Variants in MGAM observed in about 807,000 individuals in gnomAD.
MGAM encodes the protein alpha-1,4-glucosidase.
MGAM carries 253 observed loss-of-function variants against 358.8 expected under a neutral mutation model. The observed-to-expected ratio is 0.71, with a 90% CI of 0.64 to 0.78. The LOEUF (loss-of-function observed/expected upper bound fraction) is 0.78, where lower values mean the gene tolerates loss of function less well. MGAM is among the 30% of genes least tolerant of loss of function. The pLI, the probability that MGAM is intolerant of heterozygous loss-of-function variation, is 0.00. For synonymous variants in MGAM, 1,105 were observed against 1,227.1 expected (o/e 0.90, Z 2.08); for missense variants, 3,080 against 3,432.6 (o/e 0.90, Z 2.57).
In MGAM at chr7:142,086,265, T is replaced by C. The variant is rs1404461430; in HGVS notation, c.6684T>C (p.Thr2228=). ...GNETQPYPAF[T]RGVEDDVFIK... ...AGACACAGCCCTATCCTGCCTTCAC[T>C]CGGGGCGTGGAGGATGACGTCTTCA... Residue 2228 remains threonine (T), a synonymous_variant, in exon 56 of 71, where the codon ACT becomes ACC. Transcript: ENST00000475668. 1 of 1,544,780 alleles carries C rather than the reference T, an allele frequency of 6.5e-7. No individual in the cohort carries two copies. Among genetic ancestry groups the C allele is most frequent in the Non-Finnish European group, 8.9e-7 (1 of 1,126,274 alleles).
intron 54 of MGAM, 91 bp from the exon 55 acceptor site, chr7:142,085,742 G>A: frequency 1.4e-6 from 2 of 1,416,602 alleles, no homozygotes; most frequent in Non-Finnish European, 1.9e-6. Context: ...GAAGCTATCT[G>A]GAATTCCACC....
chr7:141,995,690 T>C (rs1384586673), upstream of MGAM: 2 of 152,324 alleles, frequency 1.3e-5, no homozygotes, highest in Admixed American at 1.3e-4. Context: ...AGCTGGCTTT[T>C]CCTTCCAAAA....
At chr7:142,033,497 A>G (rs546513670) in intron 14 of MGAM, among the ~76,000 whole-genome samples, 3 of 152,162 alleles carry the variant, frequency 2.0e-5, no homozygotes, top group Non-Finnish European at 4.4e-5. Flanking sequence ...ATCTTGATTG[A>G]GAAAGGAAAA....
At chr7:142,017,700 A>T (rs922649462) in intron 3 of MGAM, among the ~76,000 whole-genome samples, 1 of 152,168 alleles carries the variant, frequency 6.6e-6, no homozygotes, top group Non-Finnish European at 1.5e-5. Flanking sequence ...TCACAGTGAC[A>T]CCTGATCTTA....
At chr7:142,100,246 A>G (rs535608478) in intron 67 of MGAM, among the ~76,000 whole-genome samples, 5 of 152,344 alleles carry the variant, frequency 3.3e-5, no homozygotes, top group South Asian at 4.1e-4. Flanking sequence ...AAAGGAAAAC[A>G]TAAATTCTGT....
chr7:142,084,707 C>T, intron 54 of MGAM, 63 bp downstream of exon 54: 1 of 1,511,176 alleles, frequency 6.6e-7, no homozygotes, highest in Admixed American at 1.8e-5. Context: ...TGTCTGGCTT[C>T]ATTTGTCTAA....
chr7:142,021,818 A>C, intron 6 of MGAM, 81 bp downstream of exon 6: 1 of 1,437,644 alleles, frequency 7.0e-7, no homozygotes, highest in Non-Finnish European at 9.7e-7. Context: ...GGGTGTTTCA[A>C]CAATATTCCT....
intron 70 of MGAM, among the ~76,000 whole-genome samples, chr7:142,105,239 G>A (rs1054460333): frequency 6.6e-5 from 10 of 152,216 alleles, no homozygotes; most frequent in Middle Eastern, 3.4e-3. Context: ...ATGGAAAAGA[G>A]GGCATTCTCT....
rs374204300 is a variant in MGAM at position 142,050,713 on chromosome 7, A to C, written c.2654A>C (p.Asn885Thr). The C allele has an allele frequency of 1.5e-4, 237 of 1,613,626 alleles. No homozygotes were observed. The highest frequency in any genetic ancestry group is 9.7e-4 in the African/African-American group (73 of 75,022). The change falls in exon 24 of 71, where the codon AAT becomes ACT. Residue 885 changes from asparagine to threonine, a missense_variant. Physicochemically the swap from Asn to Thr is moderately conservative, Grantham distance 65. Around this residue, in one of 5 missense-constraint regions of MGAM, gnomAD observed 1,816 missense variants for 1,840.5 expected, o/e 0.99. Coordinates refer to ENST00000475668, the MANE Select transcript of MGAM (RefSeq NM_001365693.1). ...GTTTTGCAGAACCGCTTGGAGGTGA[A>C]TATTTCACAATCAACCTACAAGGAC... Reference protein sequence around the residue: ...FSVTQNRLEVNISQSTYKDPN... With the variant: ...FSVTQNRLEVTISQSTYKDPN...
At chr7:142,086,025 T>A (rs1409029986) in intron 55 of MGAM, 64 bp downstream of exon 55, 3 of 1,526,040 alleles carry the variant, frequency 2.0e-6, no homozygotes, top group Middle Eastern at 1.7e-4. Context: ...TTGGAGAAAG[T>A]GTTATACTTT....
At chr7:142,018,683 T>C (rs1806162194) in intron 3 of MGAM, among the ~76,000 whole-genome samples, 2 of 152,198 alleles carry the variant, frequency 1.3e-5, no homozygotes, top group African/African-American at 4.8e-5. Context: ...AAAGACTACT[T>C]TCTGCCTCTG....
At position 142,100,794 on chromosome 7, in the gene MGAM, C is replaced by A. The variant is rs1370848086; in HGVS notation, c.7875-8C>A. 6.2e-7 allele frequency: 1 copy of A among 1,607,458 alleles called. No homozygotes were observed. Among genetic ancestry groups the A allele is most frequent in the South Asian group, 1.1e-5 (1 of 89,406 alleles). The stretch of plus-strand genomic sequence containing the variant: ...TTTAGCTAATGCCTCTCTGCCTGCT[C>A]ACTGCAGCCGCCAGAAATTCATGGG... On this transcript the variant is annotated splice_region_variant and splice_polypyrimidine_tract_variant and intron_variant, in intron 67 of 70. Coordinates refer to ENST00000475668, the MANE Select transcript of MGAM (RefSeq NM_001365693.1).
rs546310097 is a variant in MGAM at position 142,105,397 on chromosome 7, C to A, written c.8185-417C>A. Among the ~76,000 whole-genome samples, 860 of 152,058 alleles carry A rather than the reference C, an allele frequency of 5.7e-3. 6 individuals are homozygous for A. Among genetic ancestry groups the A allele is most frequent in the Middle Eastern group, 0.01 (3 of 294 alleles). ...CCGCCTCCCAAGTTCAAGTGATTCTCCTGGCTTAGCCTCCCTAGTAGCTGG... is the reference window on the plus strand; with the variant it reads ...CCGCCTCCCAAGTTCAAGTGATTCTACTGGCTTAGCCTCCCTAGTAGCTGG... On this transcript the variant is annotated intron_variant, in intron 70 of 70. Coordinates refer to ENST00000475668, the MANE Select transcript of MGAM (RefSeq NM_001365693.1).
At chr7:142,052,199 A>G in intron 24 of MGAM, 95 bp from the exon 25 acceptor site, 5 of 1,073,442 alleles carry the variant, frequency 4.7e-6, no homozygotes, top group Non-Finnish European at 6.5e-6. Flanking sequence ...AGTCTGGTCT[A>G]ATTTCTATTT....
At chr7:142,041,475 G>A (rs1808531906) in intron 21 of MGAM, among the ~76,000 whole-genome samples, 1 of 151,886 alleles carries the variant, frequency 6.6e-6, no homozygotes, top group East Asian at 1.9e-4. Context: ...TTTTCTAACT[G>A]TTCACCTTCA....
chr7:142,050,555 C>A, intron 23 of MGAM, 142 bp from the exon 24 acceptor site: 2 of 956,588 alleles, frequency 2.1e-6, no homozygotes, highest in Admixed American at 2.3e-5. Flanking sequence ...TGTTGTACTT[C>A]TTCAGCACAC....
intron 18 of MGAM, among the ~76,000 whole-genome samples, chr7:142,038,029 C>A (rs1363095471): frequency 2.0e-5 from 3 of 151,894 alleles, no homozygotes; most frequent in African/African-American, 7.3e-5. Context: ...TATCTGTTAA[C>A]CATCTTGACC....
At chr7:142,028,274 A>G (rs1459468240) in intron 10 of MGAM, among the ~76,000 whole-genome samples, 3 of 152,156 alleles carry the variant, frequency 2.0e-5, no homozygotes, top group African/African-American at 7.2e-5. Flanking sequence ...TTAGGTTCTT[A>G]GGTTTAGTGT....
chr7:142,038,207 G>A (rs542433943), intron 18 of MGAM, among the ~76,000 whole-genome samples: 39 of 152,172 alleles, frequency 2.6e-4, no homozygotes, highest in Admixed American at 3.9e-4. Flanking sequence ...AGTTCCATCC[G>A]TGTTGATGCG....
Sources: gnomAD v4.1 joint callset for allele counts (sites outside exome capture counted in the v4.1 genomes callset) on GRCh38, gnomAD v4.1.1 for gene constraint, gnomAD v4.1.1 regional missense constraint, MANE v1.5 for transcripts, NCBI Gene and HGNC (gene_info 2026-07-23, HGNC 2026-07-21) for gene names.